Variants in MAP4K4 observed in about 807,000 individuals in gnomAD.
MAP4K4 encodes the protein HPK/GCK-like kinase HGK.
A neutral mutation model predicts 189.6 loss-of-function variants in MAP4K4; 38 were observed. The observed-to-expected ratio is 0.20, with a 90% CI of 0.15 to 0.26. The LOEUF (loss-of-function observed/expected upper bound fraction) is 0.26. Among genes scored for constraint, MAP4K4 ranks in the 10% least tolerant of loss-of-function variants. The pLI, the probability that MAP4K4 is intolerant of heterozygous loss-of-function variation, is 1.00. For synonymous variants in MAP4K4, 610 were observed against 624.3 expected, an observed-to-expected ratio of 0.98 and a Z score of 0.34; for missense variants, 1,054 against 1,726.9, an observed-to-expected ratio of 0.61 and a Z score of 6.91.
intron 3 of MAP4K4, among the ~76,000 whole-genome samples, chr2:101,792,581 G>A (rs1418052538): frequency 1.4e-5 from 2 of 141,026 alleles, no homozygotes; most frequent in African/African-American, 5.9e-5. Context: ...TATACTTACT[G>A]CCACCTTCTC....
chr2:101,741,484 C>T (rs2062808720), intron 2 of MAP4K4, among the ~76,000 whole-genome samples: 1 of 152,038 alleles, frequency 6.6e-6, no homozygotes, highest in African/African-American at 2.4e-5. Flanking sequence ...AGGTGTTTTT[C>T]TTAAGGATAT....
exon 16 of MAP4K4, chr2:101,860,970 G>A: frequency 6.3e-7 from 1 of 1,599,292 alleles, no homozygotes; most frequent in Non-Finnish European, 8.5e-7. Flanking sequence ...GCCCTGCAGA[G>A]ACCAGCGGAG....
At chr2:101,815,906 G>A (rs4851502) in intron 3 of MAP4K4, among the ~76,000 whole-genome samples, 12,198 of 152,118 alleles carry the variant, frequency 0.08, 543 homozygotes, top group Middle Eastern at 0.13. Context: ...GGTGGTTTCC[G>A]CACGGGGACG....
intron 2 of MAP4K4, among the ~76,000 whole-genome samples, chr2:101,718,601 G>C (rs1252126452): frequency 1.7e-5 from 2 of 117,904 alleles, no homozygotes; most frequent in East Asian, 3.1e-4. Flanking sequence ...AAGGGTGGGG[G>C]ATGGGGGGTG....
chr2:101,713,314 G>T (rs1210996697), intron 2 of MAP4K4, among the ~76,000 whole-genome samples: 2 of 152,136 alleles, frequency 1.3e-5, no homozygotes, highest in South Asian at 2.1e-4. Flanking sequence ...TAATCCCTCT[G>T]CTGAGTGCAG....
chr2:101,876,553 T>G (rs997751346), intron 26 of MAP4K4, among the ~76,000 whole-genome samples: 1 of 152,222 alleles, frequency 6.6e-6, no homozygotes, highest in Non-Finnish European at 1.5e-5. Flanking sequence ...GGGCTGCATT[T>G]ATATGGCCCA....
chr2:101,880,270 CAG>C (rs1264531995), intron 27 of MAP4K4, among the ~76,000 whole-genome samples: 1 of 152,150 alleles, frequency 6.6e-6, no homozygotes, highest in Non-Finnish European at 1.5e-5. Context: ...TTGCCAAATC[CAG>C]AGTCACTTGG....
chr2:101,769,715 C>T (rs113839031), intron 2 of MAP4K4, among the ~76,000 whole-genome samples: 1 of 151,922 alleles, frequency 6.6e-6, no homozygotes, highest in Non-Finnish European at 1.5e-5. Flanking sequence ...TCCTGAGTAG[C>T]TGGGATTACA....
chr2:101,818,395 A>C (rs1384409887), intron 3 of MAP4K4, among the ~76,000 whole-genome samples: 1 of 152,110 alleles, frequency 6.6e-6, no homozygotes, highest in Non-Finnish European at 1.5e-5. Context: ...GCTGTCGCCG[A>C]GTCTCCATTT....
intron 10 of MAP4K4, among the ~76,000 whole-genome samples, chr2:101,840,436 G>A (rs1303485772): frequency 1.3e-5 from 2 of 152,158 alleles, no homozygotes; most frequent in African/African-American, 4.8e-5. Flanking sequence ...GGTAGCATGG[G>A]CCACATGCAT....
intron 5 of MAP4K4, among the ~76,000 whole-genome samples, chr2:101,827,874 A>G (rs2096433490): frequency 6.6e-6 from 1 of 152,198 alleles, no homozygotes; most frequent in Non-Finnish European, 1.5e-5. Context: ...AATGTTTCCT[A>G]GTTCAGAAAC....
intron 2 of MAP4K4, among the ~76,000 whole-genome samples, chr2:101,705,920 C>T (rs897062855): frequency 3.3e-5 from 5 of 152,130 alleles, no homozygotes; most frequent in African/African-American, 4.8e-5. Flanking sequence ...AGTGCCAAAA[C>T]GTCTTTGACC....
At chr2:101,887,930 A>C in exon 31 of MAP4K4, 1 of 1,602,356 alleles carries the variant, frequency 6.2e-7, no homozygotes, top group South Asian at 1.1e-5. Flanking sequence ...AGATGCCTAC[A>C]TCAGTAGGTA....
At chr2:101,784,256 T>C (rs2089378421) in intron 2 of MAP4K4, among the ~76,000 whole-genome samples, 1 of 148,022 alleles carries the variant, frequency 6.8e-6, no homozygotes, top group Non-Finnish European at 1.5e-5. Flanking sequence ...TTCTCTGTGA[T>C]GCTCTTCGTG....
Position 101,748,223 on chromosome 2 carries a change from C to T in MAP4K4, c.124-42497C>T, listed in dbSNP as rs896993027. 1.6e-4 allele frequency among the ~76,000 whole-genome samples: 25 copies of T among 152,198 alleles called. 1 individual carries two copies. The highest frequency in any genetic ancestry group is 3.6e-4 in the African/African-American group (15 of 41,510). On this transcript the variant is annotated intron_variant, in intron 2 of 32. Transcript: ENST00000324219. Reference sequence around the variant, plus strand: ...TTCTGAAGAATAGTCTAAAGTTTACCGAGTGAAGCTGATTAAGCAAGGAAG... The same window carrying T: ...TTCTGAAGAATAGTCTAAAGTTTACTGAGTGAAGCTGATTAAGCAAGGAAG...
At chr2:101,864,979 C>A in exon 18 of MAP4K4, 1 of 1,580,328 alleles carries the variant, frequency 6.3e-7, no homozygotes, top group Non-Finnish European at 8.6e-7. Context: ...CGTCGAGATT[C>A]CCCACTGCAG....
intron 19 of MAP4K4, 119 bp from the exon 20 acceptor site, chr2:101,867,093 G>A: frequency 1.5e-6 from 1 of 654,196 alleles, no homozygotes; most frequent in South Asian, 1.9e-5. Context: ...CAGACCTGCA[G>A]GTGGAGAGCC....
At chr2:101,828,610 T>C (rs898024496) in intron 5 of MAP4K4, among the ~76,000 whole-genome samples, 7 of 152,200 alleles carry the variant, frequency 4.6e-5, no homozygotes, top group Non-Finnish European at 8.8e-5. Context: ...TCTTACAAAG[T>C]AATGATAACA....
At chr2:101,717,357 A>G (rs2048965037) in intron 2 of MAP4K4, among the ~76,000 whole-genome samples, 1 of 152,214 alleles carries the variant, frequency 6.6e-6, no homozygotes, top group African/African-American at 2.4e-5. Context: ...GCTACAGGTA[A>G]ACTAGATTGA....
Sources: allele counts gnomAD v4.1 joint callset (sites outside exome capture counted in the v4.1 genomes callset), GRCh38; gene constraint gnomAD v4.1.1; transcripts MANE v1.5; gene names NCBI Gene and HGNC (gene_info 2026-07-23, HGNC 2026-07-21).